Variants in MMRN1 observed in about 807,000 individuals in gnomAD.
MMRN1 encodes multimerin-1.
MMRN1 carries 94 observed loss-of-function variants against 100.7 expected under a neutral mutation model. That is an observed-to-expected ratio of 0.93 (90% CI 0.79 to 1.11). The LOEUF (loss-of-function observed/expected upper bound fraction) is 1.11. MMRN1 is among the 50% of genes least tolerant of loss of function. The pLI is 0.00. For missense variants in MMRN1, 1,606 were observed against 1,439.1 expected (o/e 1.12, Z -1.88); for synonymous variants, 575 against 505.0 (o/e 1.14, Z -1.86).
At chr4:89,938,093 T>A (rs1722703584) in intron 6 of MMRN1, among the ~76,000 whole-genome samples, 1 of 152,004 alleles carries the variant, frequency 6.6e-6, no homozygotes, top group South Asian at 2.1e-4. Context: ...CAAAGGATGA[T>A]CATTATTCTA....
chr4:89,937,329 T>C (rs1247029861), intron 6 of MMRN1, among the ~76,000 whole-genome samples: 1 of 151,868 alleles, frequency 6.6e-6, no homozygotes, highest in African/African-American at 2.4e-5. Context: ...TTGGTATCAG[T>C]GGATTGGTTG....
At chr4:89,944,101 T>C (rs1328725333) in intron 6 of MMRN1, among the ~76,000 whole-genome samples, 1 of 152,236 alleles carries the variant, frequency 6.6e-6, no homozygotes, top group Non-Finnish European at 1.5e-5. Flanking sequence ...TATGAAGCTA[T>C]TTTGAATGTG....
At chr4:89,892,355 C>A, upstream of MMRN1, among the ~76,000 whole-genome samples, 1 of 148,720 alleles carries the variant, frequency 6.7e-6, no homozygotes, top group Non-Finnish European at 1.5e-5. Flanking sequence ...TAGTTTAATC[C>A]AACAATAGTA....
At chr4:89,893,674 A>G (rs890871434), upstream of MMRN1, among the ~76,000 whole-genome samples, 4 of 152,166 alleles carry the variant, frequency 2.6e-5, no homozygotes, top group Non-Finnish European at 4.4e-5. Context: ...AACATAACAG[A>G]CATTTAGCAA....
chr4:89,916,380 AC>A lies in MMRN1; in HGVS notation c.850+4331del, dbSNP rs57266284. Among the ~76,000 whole-genome samples the A allele has an allele frequency of 7.4e-3, 1,042 of 141,768 alleles. 28 individuals are homozygous for A. Among genetic ancestry groups the A allele is most frequent in the African/African-American group, 0.026 (902 of 34,298 alleles). The allele number at this position is 141,768 out of a possible 152,430, so 93.0% of individuals were successfully genotyped here. A position where few individuals can be genotyped will look rare whatever the true frequency, so the allele number is the denominator to read the frequency against. On this transcript the variant is annotated intron_variant, in intron 3 of 7. Transcript: ENST00000264790. ...TTAGATTCTGAAAAAAAAAAAACAA[AC>A]AAACAAACAATAAATTTAACAATGC...
intron 4 of MMRN1, 138 bp downstream of exon 4, chr4:89,923,410 G>T: frequency 1.3e-6 from 1 of 791,514 alleles, no homozygotes; most frequent in East Asian, 2.5e-5. Flanking sequence ...TTTTCTACTG[G>T]TGCTGGATGT....
At chr4:89,882,312 T>C (rs1453903419) in intron 1 of MMRN1, among the ~76,000 whole-genome samples, 4 of 150,946 alleles carry the variant, frequency 2.6e-5, no homozygotes, top group Non-Finnish European at 5.9e-5. Flanking sequence ...TATATAAATA[T>C]ATATAATCTT....
intron 3 of MMRN1, 43 bp downstream of exon 3, chr4:89,912,093 A>G: frequency 1.5e-6 from 2 of 1,350,230 alleles, no homozygotes; most frequent in Non-Finnish European, 2.0e-6. Flanking sequence ...ACAATAAGAA[A>G]CTGATTCTAT....
At chr4:89,882,861 T>C (rs992928052) in intron 1 of MMRN1, among the ~76,000 whole-genome samples, 17 of 151,998 alleles carry the variant, frequency 1.1e-4, no homozygotes, top group African/African-American at 4.1e-4. Flanking sequence ...GAAAGCAAGA[T>C]GTAAAATATT....
intron 3 of MMRN1, among the ~76,000 whole-genome samples, chr4:89,913,172 A>G (rs1194918681): frequency 6.6e-6 from 1 of 151,288 alleles, no homozygotes; most frequent in African/African-American, 2.4e-5. Flanking sequence ...TCACAATGGT[A>G]AAACATATTT....
chr4:89,924,048 G>T (rs902393428), intron 4 of MMRN1, among the ~76,000 whole-genome samples: 7 of 152,180 alleles, frequency 4.6e-5, no homozygotes, highest in African/African-American at 1.7e-4. Flanking sequence ...TAAAGGGATA[G>T]ACAGTATTAT....
intron 4 of MMRN1, among the ~76,000 whole-genome samples, chr4:89,925,785 T>C (rs983882453): frequency 2.6e-5 from 4 of 152,056 alleles, no homozygotes; most frequent in East Asian, 3.9e-4. Context: ...CTCACTCCAA[T>C]CAGCCATTAT....
In MMRN1 at chr4:89,894,924, A is replaced by G; in HGVS notation, c.-48A>G. On this transcript the variant is annotated 5_prime_UTR_variant, in exon 1 of 8. Transcript: ENST00000264790. ...AGCAGCTATCAAAAAGGCCATAAGGATTTTGTCCCCAAATTTCACATGAGC... is the reference window on the plus strand; with the variant it reads ...AGCAGCTATCAAAAAGGCCATAAGGGTTTTGTCCCCAAATTTCACATGAGC... 6.4e-7 allele frequency: 1 copy of G among 1,560,494 alleles called. No homozygotes were observed. Among genetic ancestry groups the G allele is most frequent in the Non-Finnish European group, 8.7e-7 (1 of 1,155,476 alleles).
chr4:89,928,072 G>C, intron 5 of MMRN1, 104 bp downstream of exon 5: 1 of 902,538 alleles, frequency 1.1e-6, no homozygotes. Flanking sequence ...AGTTTGGGTG[G>C]TATGGAAACC....
At chr4:89,929,678 A>G (rs1230645906) in intron 5 of MMRN1, among the ~76,000 whole-genome samples, 1 of 152,160 alleles carries the variant, frequency 6.6e-6, no homozygotes, top group Non-Finnish European at 1.5e-5. Context: ...TCACAGCAAC[A>G]GCATTAATAA....
chr4:89,926,787 C>CT (rs1424043696), intron 4 of MMRN1, among the ~76,000 whole-genome samples: 1 of 152,026 alleles, frequency 6.6e-6, no homozygotes, highest in Non-Finnish European at 1.5e-5. Context: ...AGAGCTAATC[C>CT]TTTTTTATTT....
intron 1 of MMRN1, among the ~76,000 whole-genome samples, chr4:89,897,213 A>ATT: frequency 1.8e-5 from 2 of 111,600 alleles, no homozygotes; most frequent in East Asian, 2.5e-4. Context: ...TATAGCTAAG[A>ATT]ATTTTTTTTT....
chr4:89,895,955 A>G (rs933208563), intron 1 of MMRN1, among the ~76,000 whole-genome samples: 1 of 152,196 alleles, frequency 6.6e-6, no homozygotes, highest in Non-Finnish European at 1.5e-5. Flanking sequence ...GAAAGACAAA[A>G]ATAAACAAAT....
intron 6 of MMRN1, among the ~76,000 whole-genome samples, chr4:89,944,733 T>C (rs1722934932): frequency 6.6e-6 from 1 of 152,114 alleles, no homozygotes. Context: ...TTTTGAGAAG[T>C]TACATTTGGT....
Sources: gnomAD v4.1 joint callset for allele counts (sites outside exome capture counted in the v4.1 genomes callset) on GRCh38, gnomAD v4.1.1 for gene constraint, MANE v1.5 for transcripts, NCBI Gene and HGNC (gene_info 2026-07-23, HGNC 2026-07-21) for gene names.